CAP2: variants seen among roughly 807,000 people sequenced by gnomAD.
The protein encoded by CAP2 is adenylyl cyclase-associated protein 2.
A neutral mutation model predicts 57.7 loss-of-function variants in CAP2; 24 were observed. That is an observed-to-expected ratio of 0.42 (90% CI 0.30 to 0.58). The LOEUF (loss-of-function observed/expected upper bound fraction) is 0.58, where lower values mean the gene tolerates loss of function less well. Among genes scored for constraint, CAP2 ranks in the 20% least tolerant of loss-of-function variants. The probability of loss-of-function intolerance (pLI) is 0.22; values close to 1 mark genes in which losing one functional copy is unlikely to be tolerated. For synonymous variants in CAP2, 194 were observed against 207.2 expected, an observed-to-expected ratio of 0.94 and a Z score of 0.55; for missense variants, 501 against 590.3, an observed-to-expected ratio of 0.85 and a Z score of 1.57.
intron 3 of CAP2, among the ~76,000 whole-genome samples, chr6:17,429,839 A>C (rs1346301465): frequency 6.6e-6 from 1 of 152,232 alleles, no homozygotes; most frequent in African/African-American, 2.4e-5. Flanking sequence ...CCATGACGTT[A>C]ATACTTTGAA....
chr6:17,485,890 G>A (rs7765242), intron 4 of CAP2, among the ~76,000 whole-genome samples: 3,628 of 152,266 alleles, frequency 0.024, 133 homozygotes, highest in African/African-American at 0.081. Flanking sequence ...GGGGAAGGAT[G>A]GAATGGAAGA....
intron 3 of CAP2, among the ~76,000 whole-genome samples, chr6:17,440,676 AT>A (rs1016486815): frequency 4.8e-5 from 7 of 145,984 alleles, no homozygotes; most frequent in African/African-American, 1.8e-4. Context: ...TGTATCTCCC[AT>A]TTTTTTATTA....
At chr6:17,397,082 T>TG (rs1049017295) in intron 1 of CAP2, among the ~76,000 whole-genome samples, 24 of 152,116 alleles carry the variant, frequency 1.6e-4, no homozygotes, top group African/African-American at 5.3e-4. Flanking sequence ...TCTTTTGAGA[T>TG]GGAGTCTCTC....
At chr6:17,414,261 CTTT>C (rs61122805) in intron 1 of CAP2, among the ~76,000 whole-genome samples, 2 of 148,184 alleles carry the variant, frequency 1.3e-5, no homozygotes, top group African/African-American at 4.9e-5. Flanking sequence ...AGTCTATTTC[CTTT>C]TTTTTTTCTT....
At chr6:17,422,584 C>T (rs376624798) in intron 2 of CAP2, among the ~76,000 whole-genome samples, 4 of 151,858 alleles carry the variant, frequency 2.6e-5, no homozygotes, top group East Asian at 1.9e-4. Context: ...CTCCTGACCT[C>T]GTGATCCGCC....
rs577999584 is a variant in CAP2 at position 17,455,824 on chromosome 6, C to T, written c.223-7172C>T. Among the ~76,000 whole-genome samples the T allele has an allele frequency of 1.8e-4, 27 of 152,266 alleles. No individual in the cohort carries two copies. In the South Asian group the frequency reaches 4.8e-3, roughly 27 times the overall value. ...TGCTGGGATTACAGGCGTGAGCCAC[C>T]GCGCCCAGCCTAAACTTTTTAATAA... On this transcript the variant is annotated intron_variant, in intron 3 of 12. Coordinates refer to ENST00000229922, the MANE Select transcript of CAP2 (RefSeq NM_006366.3).
At chr6:17,448,901 A>G (rs1336603147) in intron 3 of CAP2, among the ~76,000 whole-genome samples, 1 of 152,010 alleles carries the variant, frequency 6.6e-6, no homozygotes, top group Non-Finnish European at 1.5e-5. Context: ...ACCTGGGATT[A>G]CAGACACCCA....
chr6:17,524,382 T>C (rs1258493840), intron 7 of CAP2, among the ~76,000 whole-genome samples: 2 of 152,152 alleles, frequency 1.3e-5, no homozygotes, highest in Non-Finnish European at 2.9e-5. Flanking sequence ...TTAGTGTCAG[T>C]TGATAATGAT....
Position 17,542,903 on chromosome 6 carries a change from T to G in CAP2, c.1069T>G (p.Phe357Val). The change falls in exon 10 of 13, where the codon TTC becomes GTC. Residue 357 changes from phenylalanine to valine, a missense_variant. Coordinates refer to ENST00000229922, the MANE Select transcript of CAP2 (RefSeq NM_006366.3). ...TGAGCTGAAACAAGTGGCTTACATT[T>G]TCAAATGCGAAAAATCAACTATTCA... The part of the protein sequence containing the change: ...ETELKQVAYI[F>V]KCEKSTIQIK... The G allele has an allele frequency of 6.2e-7, 1 of 1,613,784 alleles. No individual in the cohort carries two copies. The highest frequency in any genetic ancestry group is 8.5e-7 in the Non-Finnish European group (1 of 1,179,648).
rs1352165109 is a variant in CAP2 at position 17,458,853 on chromosome 6, G to A, written c.223-4143G>A. Among the ~76,000 whole-genome samples, 11 of 125,962 alleles carry A rather than the reference G, an allele frequency of 8.7e-5. No individual in the cohort carries two copies. In the South Asian group the frequency reaches 9.5e-4, roughly 11 times the overall value. 82.6% of individuals were successfully genotyped at this position (125,962 alleles called of 152,430 possible). A position where few individuals can be genotyped will look rare whatever the true frequency, so the allele number is the denominator to read the frequency against. On this transcript the variant is annotated intron_variant, in intron 3 of 12. Coordinates refer to ENST00000229922, the MANE Select transcript of CAP2 (RefSeq NM_006366.3). ...TATAAACTCATGACCAAATAAAACC[G>A]AATCACAGAATTTTTCCCTCCCCAC...
intron 12 of CAP2, among the ~76,000 whole-genome samples, chr6:17,553,357 G>A (rs72835463): frequency 0.024 from 2,903 of 119,616 alleles, 32 homozygotes; most frequent in East Asian, 0.041. Context: ...TCTTGGCCGC[G>A]TGCTGTGGCT....
chr6:17,424,664 A>C (rs1759537238), intron 2 of CAP2, among the ~76,000 whole-genome samples: 1 of 152,200 alleles, frequency 6.6e-6, no homozygotes, highest in Non-Finnish European at 1.5e-5. Flanking sequence ...CTTTGGTCTC[A>C]ATGCATTACT....
At chr6:17,397,967 T>C (rs1402383407) in intron 1 of CAP2, among the ~76,000 whole-genome samples, 2 of 152,168 alleles carry the variant, frequency 1.3e-5, no homozygotes, top group East Asian at 3.9e-4. Context: ...GACTTACACA[T>C]TGATGGCATG....
intron 1 of CAP2, among the ~76,000 whole-genome samples, chr6:17,397,024 G>A (rs1372112844): frequency 1.3e-5 from 2 of 152,192 alleles, no homozygotes; most frequent in Admixed American, 6.5e-5. Flanking sequence ...ATAGTGTTTA[G>A]GTTTGTTTTT....
At chr6:17,498,886 G>C (rs910759647) in intron 4 of CAP2, among the ~76,000 whole-genome samples, 1 of 151,590 alleles carries the variant, frequency 6.6e-6, no homozygotes, top group African/African-American at 2.4e-5. Context: ...CCGCCACCAC[G>C]CCCAGATAAT....
At position 17,414,485 on chromosome 6, in the gene CAP2, A is replaced by G. The variant is rs150204688; in HGVS notation, c.-1-7070A>G. Among the ~76,000 whole-genome samples the G allele has an allele frequency of 3.0e-3, 450 of 152,094 alleles. 4 individuals carry two copies. Among genetic ancestry groups the G allele is most frequent in the African/African-American group, 0.01 (433 of 41,490 alleles). ...TATTCTCAATGTTCAGCCCCTACCT[A>G]TGAGTGAGAACATGGGGTATTTGGT... On this transcript the variant is annotated intron_variant, in intron 1 of 12. Transcript: ENST00000229922.
intron 1 of CAP2, among the ~76,000 whole-genome samples, chr6:17,402,310 A>G (rs965179116): frequency 5.3e-5 from 8 of 152,224 alleles, no homozygotes; most frequent in Non-Finnish European, 1.2e-4. Flanking sequence ...AACCCATTTT[A>G]GTAAATTGCT....
chr6:17,457,946 C>T (rs1348239142), intron 3 of CAP2, among the ~76,000 whole-genome samples: 4 of 152,218 alleles, frequency 2.6e-5, no homozygotes, highest in Admixed American at 6.5e-5. Flanking sequence ...ACAATTCAGT[C>T]GGCTCTGCAA....
chr6:17,542,688 TA>T (rs1762933433), intron 9 of CAP2, 148 bp from the exon 10 acceptor site: 1 of 663,032 alleles, frequency 1.5e-6, no homozygotes. Context: ...AATGACAGAG[TA>T]AGACCTGTGG....
Sources: gnomAD v4.1 joint callset for allele counts (sites outside exome capture counted in the v4.1 genomes callset) on GRCh38, gnomAD v4.1.1 for gene constraint, MANE v1.5 for transcripts, NCBI Gene and HGNC (gene_info 2026-07-23, HGNC 2026-07-21) for gene names.